The following ATRNL1 variants were observed in gnomAD, a reference collection of about 807,000 sequenced individuals.
ATRNL1 encodes the protein attractin like 1, also known as attractin-like protein 1.
In ATRNL1, 95 loss-of-function variants were observed where a neutral mutation model predicts 182.7. The observed-to-expected ratio is 0.52, with a 90% confidence interval of 0.44 to 0.62. ATRNL1 has a LOEUF of 0.62. Among genes scored for constraint, ATRNL1 ranks in the 20% least tolerant of loss-of-function variants. The pLI is 0.00. For synonymous variants in ATRNL1, 576 were observed against 568.3 expected (o/e 1.01, Z -0.19); for missense variants, 1,471 against 1,679.5 (o/e 0.88, Z 2.17).
chr10:115,496,696 T>A (rs1245221414), intron 24 of ATRNL1, among the ~76,000 whole-genome samples: 1 of 152,226 alleles, frequency 6.6e-6, no homozygotes, highest in Non-Finnish European at 1.5e-5. Flanking sequence ...GAGTTTTTAT[T>A]CTTTAAAATT....
intron 17 of ATRNL1, among the ~76,000 whole-genome samples, chr10:115,313,403 G>C (rs1253209943): frequency 6.6e-6 from 1 of 152,034 alleles, no homozygotes; most frequent in African/African-American, 2.4e-5. Flanking sequence ...CTCTGTATGA[G>C]TTCCTTGGTC....
intron 8 of ATRNL1, among the ~76,000 whole-genome samples, chr10:115,205,398 C>G (rs1210135753): frequency 1.3e-5 from 2 of 151,808 alleles, no homozygotes; most frequent in Admixed American, 6.6e-5. Context: ...TTTTTGCCCT[C>G]TAATTATTCT....
intron 25 of ATRNL1, among the ~76,000 whole-genome samples, chr10:115,527,992 C>CCTT (rs1565133249): frequency 8.3e-5 from 4 of 48,330 alleles, no homozygotes; most frequent in African/African-American, 4.2e-4. Context: ...CTCCCTCCCT[C>CCTT]CCTCCCTTCC....
chr10:115,579,382 A>G (rs1466704678), intron 26 of ATRNL1, among the ~76,000 whole-genome samples: 1 of 151,786 alleles, frequency 6.6e-6, no homozygotes, highest in East Asian at 1.9e-4. Context: ...AGATGCATAT[A>G]TATGTATAAT....
chr10:115,588,020 G>T (rs1555010800), intron 26 of ATRNL1, among the ~76,000 whole-genome samples: 1 of 152,058 alleles, frequency 6.6e-6, no homozygotes, highest in South Asian at 2.1e-4. Context: ...AATGCAAATG[G>T]TTCAAATTCA....
chr10:115,705,055 A>G (rs1946854809), intron 26 of ATRNL1, among the ~76,000 whole-genome samples: 1 of 151,638 alleles, frequency 6.6e-6, no homozygotes, highest in Non-Finnish European at 1.5e-5. Flanking sequence ...TTCATTGCTT[A>G]TTTGATTTAT....
At chr10:115,828,452 G>A (rs1950488596) in intron 27 of ATRNL1, among the ~76,000 whole-genome samples, 2 of 151,238 alleles carry the variant, frequency 1.3e-5, no homozygotes, top group South Asian at 4.2e-4. Flanking sequence ...ATAAAGCAGA[G>A]ATTCTTCATG....
intron 27 of ATRNL1, among the ~76,000 whole-genome samples, chr10:115,820,648 C>T (rs536885632): frequency 1.3e-5 from 2 of 152,154 alleles, no homozygotes; most frequent in South Asian, 2.1e-4. Context: ...CTATTTAGTC[C>T]GTTTTTCATA....
chr10:115,836,446 C>A (rs781794316), intron 27 of ATRNL1, among the ~76,000 whole-genome samples: 16 of 152,172 alleles, frequency 1.1e-4, no homozygotes, highest in Non-Finnish European at 2.2e-4. Context: ...AAAAAACAGT[C>A]TGGGGGCTAG....
chr10:115,295,359 A>G (rs957687021), intron 15 of ATRNL1, among the ~76,000 whole-genome samples: 2 of 152,088 alleles, frequency 1.3e-5, no homozygotes, highest in Admixed American at 1.3e-4. Flanking sequence ...GGATATGCTT[A>G]TATGGCTTTC....
intron 24 of ATRNL1, among the ~76,000 whole-genome samples, chr10:115,495,452 T>C (rs2133608612): frequency 6.6e-6 from 1 of 152,244 alleles, no homozygotes; most frequent in East Asian, 1.9e-4. Flanking sequence ...GATGTGGACG[T>C]TTAGCACTAA....
chr10:115,543,463 C>T (rs564341396), intron 25 of ATRNL1, among the ~76,000 whole-genome samples: 1 of 151,994 alleles, frequency 6.6e-6, no homozygotes. Context: ...AGGTAAATTT[C>T]TTCATTTCAA....
At chr10:115,649,730 G>C (rs914158342) in intron 26 of ATRNL1, among the ~76,000 whole-genome samples, 3 of 152,060 alleles carry the variant, frequency 2.0e-5, no homozygotes, top group Non-Finnish European at 4.4e-5. Flanking sequence ...CACTTTTAAG[G>C]GCATGATCTG....
At chr10:115,531,940 G>C (rs1163860966) in intron 25 of ATRNL1, among the ~76,000 whole-genome samples, 5 of 146,048 alleles carry the variant, frequency 3.4e-5, no homozygotes, top group East Asian at 4.0e-4. Flanking sequence ...GATAGTTGTA[G>C]ATATGCGGCA....
chr10:115,128,241 C>G (rs1845060276), intron 4 of ATRNL1, among the ~76,000 whole-genome samples: 1 of 152,146 alleles, frequency 6.6e-6, no homozygotes, highest in African/African-American at 2.4e-5. Context: ...GGCTATACCA[C>G]TATCTCCTCT....
Position 115,885,911 on chromosome 10 carries a change from A to G in ATRNL1, c.4018+37920A>G, listed in dbSNP as rs891034703. Among the ~76,000 whole-genome samples, 34 of 152,194 alleles carry G rather than the reference A, an allele frequency of 2.2e-4. 1 individual carries two copies. Among genetic ancestry groups the G allele is most frequent in the Admixed American group, 1.3e-4 (2 of 15,282 alleles). On this transcript the variant is annotated intron_variant, in intron 28 of 28. Transcript: ENST00000355044. ...ACTATTCACCATGTGAGGGTTCTCT[A>G]AAAGAAGTTTTAAATGTTGTGTTTT... is the stretch of plus-strand genomic sequence containing the variant.
rs573390347 is a variant in ATRNL1, at chr10:115,706,504, A to C, written c.3796-20744A>C. ...GGGGGTGGGCATTATTCAGCCCACCACAGCTACTATCTGACCAAATCACAT... is the reference window on the plus strand; with the variant it reads ...GGGGGTGGGCATTATTCAGCCCACCCCAGCTACTATCTGACCAAATCACAT... On this transcript the variant is annotated intron_variant, in intron 26 of 28. Transcript: ENST00000355044. Among the ~76,000 whole-genome samples the C allele has an allele frequency of 3.9e-4, 60 of 151,994 alleles. 1 individual carries two copies. In the South Asian group the frequency reaches 0.012, roughly 30 times the overall value.
chr10:115,848,422 T>C (rs1431521998), intron 28 of ATRNL1, among the ~76,000 whole-genome samples: 4 of 152,150 alleles, frequency 2.6e-5, no homozygotes, highest in African/African-American at 4.8e-5. Context: ...GGAACGTGTA[T>C]GTTTGGAACG....
chr10:115,362,157 CTTTT>C (rs1277532251), intron 19 of ATRNL1, among the ~76,000 whole-genome samples: 1 of 151,748 alleles, frequency 6.6e-6, no homozygotes, highest in Non-Finnish European at 1.5e-5. Context: ...AAATCTAGGG[CTTTT>C]TTGTGAGAAA....
Sources: allele counts gnomAD v4.1 joint callset (sites outside exome capture counted in the v4.1 genomes callset), GRCh38; gene constraint gnomAD v4.1.1; transcripts MANE v1.5; gene names NCBI Gene and HGNC (gene_info 2026-07-23, HGNC 2026-07-21).